Variants in ABCA10 observed in about 807,000 individuals in gnomAD.
The protein encoded by ABCA10 is ATP-binding cassette sub-family A member 10.
Under a neutral mutation model 187.5 loss-of-function variants are expected in ABCA10, and 169 were observed. The ratio of observed to expected loss-of-function variants is 0.90; its 90% CI spans 0.80 to 1.02. ABCA10 has a LOEUF of 1.02. ABCA10 is among the 50% of genes least tolerant of loss of function. ABCA10 has a pLI of 0.00. For synonymous variants in ABCA10, 574 were observed against 601.8 expected (o/e 0.95, Z 0.68); for missense variants, 1,727 against 1,812.4 (o/e 0.95, Z 0.86).
chr17:69,222,211 G>T (rs1437192874), intron 4 of ABCA10, among the ~76,000 whole-genome samples: 1 of 151,676 alleles, frequency 6.6e-6, no homozygotes, highest in Non-Finnish European at 1.5e-5. Flanking sequence ...AAAAAAATTA[G>T]CCTGTAGTCC....
chr17:69,159,124 T>A (rs1388154305), intron 27 of ABCA10, among the ~76,000 whole-genome samples: 1 of 152,034 alleles, frequency 6.6e-6, no homozygotes, highest in African/African-American at 2.4e-5. Flanking sequence ...AAAAATTAGT[T>A]AACAGAAATT....
intron 10 of ABCA10, among the ~76,000 whole-genome samples, chr17:69,199,308 T>A (rs1331071375): frequency 2.0e-5 from 3 of 152,228 alleles, no homozygotes; most frequent in African/African-American, 4.8e-5. Context: ...TTAGACTCTG[T>A]ACTTCCTGAG....
intron 3 of ABCA10, among the ~76,000 whole-genome samples, 164 bp downstream of exon 3, chr17:69,225,161 C>G (rs16973838): frequency 6.6e-6 from 1 of 152,030 alleles, no homozygotes; most frequent in African/African-American, 2.4e-5. Context: ...CTGTTGCCCA[C>G]CTACCCTTAG....
chr17:69,173,314 C>T (rs1332855516), intron 25 of ABCA10, among the ~76,000 whole-genome samples: 55 of 152,114 alleles, frequency 3.6e-4, no homozygotes, highest in Non-Finnish European at 5.9e-5. Context: ...AGGATTTCTG[C>T]TGACATACTG....
In ABCA10 at chr17:69,201,503, A is replaced by T; in HGVS notation, c.1172T>A (p.Ile391Lys). Residue 391 changes from isoleucine (I) to lysine (K), a missense_variant, in exon 10 of 39, where the codon ATA becomes AAA. Ile to Lys is a moderately radical substitution (Grantham distance 102). Transcript: ENST00000690296. Reference protein sequence around the residue: ...VSPEFHGKEAIRIRNVIKEYN... With the variant: ...VSPEFHGKEAKRIRNVIKEYN... ...AGTCATGTAATTTCTTAGTTACCTT[A>T]TGGCTTCTTTTCCATGGAATTCTGG... The T allele has an allele frequency of 6.3e-7, 1 of 1,579,686 alleles. No homozygotes were observed. The highest frequency in any genetic ancestry group is 8.6e-7 in the Non-Finnish European group (1 of 1,167,906).
chr17:69,163,694 C>T (rs899461898), intron 27 of ABCA10, among the ~76,000 whole-genome samples: 7 of 152,138 alleles, frequency 4.6e-5, no homozygotes, highest in African/African-American at 1.4e-4. Flanking sequence ...CATTGTCTTT[C>T]CCCACTATAA....
chr17:69,185,471 T>C lies in ABCA10; in HGVS notation c.2497+6A>G. 1 of 1,605,300 alleles carries C rather than the reference T, an allele frequency of 6.2e-7. No individual in the cohort carries two copies. The highest frequency in any genetic ancestry group is 8.5e-7 in the Non-Finnish European group (1 of 1,175,216). On this transcript the variant is annotated splice_donor_region_variant and intron_variant, in intron 20 of 38. Transcript: ENST00000690296. ...ACTCACACTAAATTTCAGCCCCATTTCTCACCTGTATTATTAACGATTAAC... is the reference window on the plus strand; with the variant it reads ...ACTCACACTAAATTTCAGCCCCATTCCTCACCTGTATTATTAACGATTAAC...
chr17:69,229,093 T>A (rs1340339568), upstream of ABCA10, among the ~76,000 whole-genome samples: 1 of 152,038 alleles, frequency 6.6e-6, no homozygotes, highest in Non-Finnish European at 1.5e-5. Context: ...CATCTGAAAG[T>A]TAACTGCATT....
chr17:69,200,035 G>T (rs539648828), intron 10 of ABCA10, among the ~76,000 whole-genome samples: 1 of 152,218 alleles, frequency 6.6e-6, no homozygotes, highest in African/African-American at 2.4e-5. Flanking sequence ...TTCATATTAG[G>T]TTATAGTATT....
At chr17:69,161,995 A>T (rs151157149) in intron 27 of ABCA10, among the ~76,000 whole-genome samples, 26 of 152,354 alleles carry the variant, frequency 1.7e-4, no homozygotes, top group African/African-American at 6.0e-4. Context: ...CATCTCTTTC[A>T]TCTCCTAATT....
rs968671781 is a variant in ABCA10 at position 69,225,327 on chromosome 17, T to G, written c.32A>C (p.Lys11Thr). Residue 11 changes from lysine (K) to threonine (T), a missense_variant and splice_region_variant, in exon 3 of 39, where the codon AAA (lysine) becomes ACA (threonine). Transcript: ENST00000690296. MNKMALASFM[K>T]GRTVIGTPDE... ...ACATTGGTTATTGGACAACACACCT[T>G]TCATAAAGGAAGCCAAGGCCATCTT... 7 of 1,613,234 alleles carry G rather than the reference T, an allele frequency of 4.3e-6. No individual in the cohort carries two copies. Among genetic ancestry groups the G allele is most frequent in the Non-Finnish European group, 5.9e-6 (7 of 1,179,380 alleles).
intron 18 of ABCA10, among the ~76,000 whole-genome samples, chr17:69,188,490 A>G (rs2074438174): frequency 6.6e-6 from 1 of 150,520 alleles, no homozygotes; most frequent in Admixed American, 6.7e-5. Flanking sequence ...GGTATCTAGT[A>G]GCCTCCTAAA....
intron 7 of ABCA10, 87 bp downstream of exon 7, chr17:69,216,130 T>C (rs2144839917): frequency 6.5e-7 from 1 of 1,544,356 alleles, no homozygotes; most frequent in Non-Finnish European, 8.7e-7. Context: ...AATATAGTGA[T>C]TACACTAATA....
chr17:69,204,343 G>A (rs146198377), intron 9 of ABCA10, among the ~76,000 whole-genome samples: 2 of 152,084 alleles, frequency 1.3e-5, no homozygotes, highest in African/African-American at 4.8e-5. Context: ...GATATAGAAA[G>A]GAAGAAAATT....
Position 69,195,459 on chromosome 17 carries a change from T to C in ABCA10, c.1235-964A>G, listed in dbSNP as rs150630184. On this transcript the variant is annotated intron_variant, in intron 11 of 38. Transcript: ENST00000690296. ...AACATATTTTAATTTTTTTGTTTTC[T>C]CTTTATTCTCTAATTTTCCACAATA... Among the ~76,000 whole-genome samples the C allele has an allele frequency of 1.0e-3, 158 of 151,798 alleles. 3 individuals carry two copies. In the East Asian group the frequency reaches 0.026, roughly 25 times the overall value.
At chr17:69,207,585 G>A (rs1598115317) in intron 9 of ABCA10, among the ~76,000 whole-genome samples, 1 of 152,004 alleles carries the variant, frequency 6.6e-6, no homozygotes, top group African/African-American at 2.4e-5. Context: ...AAAAAGGAAG[G>A]AAATTTTGTC....
Position 69,174,403 on chromosome 17 carries a change from A to G in ABCA10, c.3049-9T>C, listed in dbSNP as rs1373866012. On this transcript the variant is annotated splice_polypyrimidine_tract_variant and intron_variant, in intron 24 of 38. Coordinates refer to ENST00000690296, the MANE Select transcript of ABCA10 (RefSeq NM_001377321.1). Reference sequence around the variant, plus strand: ...CCAATTATGCATACCACCTGCAAATAATGAGGATCAATGGCAAGATTAGAA... The same window carrying G: ...CCAATTATGCATACCACCTGCAAATGATGAGGATCAATGGCAAGATTAGAA... 2 of 1,561,918 alleles carry G rather than the reference A, an allele frequency of 1.3e-6. No individual in the cohort carries two copies. The highest frequency in any genetic ancestry group is 2.8e-5 in the African/African-American group (2 of 72,406).
intron 10 of ABCA10, among the ~76,000 whole-genome samples, chr17:69,197,394 G>C (rs536595315): frequency 1.3e-5 from 2 of 151,224 alleles, no homozygotes; most frequent in South Asian, 4.2e-4. Flanking sequence ...AAAAAAAAAA[G>C]AAGGAAAGAA....
At chr17:69,216,157 T>A (rs538751102) in intron 7 of ABCA10, 60 bp downstream of exon 7, 202 of 1,553,374 alleles carry the variant, frequency 1.3e-4, no homozygotes, top group Middle Eastern at 5.7e-4. Flanking sequence ...AGAAACATTA[T>A]TTGCTCATGT....
Sources: allele counts gnomAD v4.1 joint callset (sites outside exome capture counted in the v4.1 genomes callset), GRCh38; gene constraint gnomAD v4.1.1; transcripts MANE v1.5; gene names NCBI Gene and HGNC (gene_info 2026-07-23, HGNC 2026-07-21).